TTC39B: variants seen among roughly 807,000 people sequenced by gnomAD.
TTC39B encodes tetratricopeptide repeat protein 39B.
A neutral mutation model predicts 96.6 loss-of-function variants in TTC39B; 92 were observed. The observed-to-expected ratio is 0.95, with a 90% confidence interval of 0.80 to 1.13. TTC39B has a LOEUF of 1.13. Among genes scored for constraint, TTC39B ranks in the 50% most tolerant of loss-of-function variants. The pLI, the probability that TTC39B is intolerant of heterozygous loss-of-function variation, is 0.00. For missense variants in TTC39B, 955 were observed against 809.3 expected (o/e 1.18, Z -2.18); for synonymous variants, 367 against 299.4 (o/e 1.23, Z -2.33).
intron 1 of TTC39B, among the ~76,000 whole-genome samples, chr9:15,277,320 T>C (rs1200955549): frequency 6.6e-6 from 1 of 152,102 alleles, no homozygotes; most frequent in Admixed American, 6.5e-5. Context: ...CCCAGCTACT[T>C]GGGAGGCTGA....
intron 3 of TTC39B, among the ~76,000 whole-genome samples, chr9:15,223,765 TG>T (rs1429429632): frequency 2.0e-5 from 3 of 151,978 alleles, no homozygotes; most frequent in African/African-American, 7.3e-5. Flanking sequence ...GAGTACAGGT[TG>T]AGCATCCCTA....
At chr9:15,265,503 A>C (rs754435771) in intron 2 of TTC39B, among the ~76,000 whole-genome samples, 3 of 152,206 alleles carry the variant, frequency 2.0e-5, no homozygotes, top group Non-Finnish European at 2.9e-5. Context: ...ACTATAGCCC[A>C]AGCTCAATTC....
At chr9:15,232,497 A>C (rs1476338554) in intron 2 of TTC39B, 1 of 152,266 alleles carries the variant, frequency 6.6e-6, no homozygotes, top group African/African-American at 2.4e-5. Context: ...CCAAAGGGTC[A>C]CACTAGCTGT....
chr9:15,264,904 T>G (rs1003415357), intron 2 of TTC39B, among the ~76,000 whole-genome samples: 5 of 152,106 alleles, frequency 3.3e-5, no homozygotes, highest in Non-Finnish European at 7.4e-5. Flanking sequence ...CAGACAATGC[T>G]AATATTAAAC....
chr9:15,248,938 G>A (rs1822406425), intron 2 of TTC39B: 1 of 152,094 alleles, frequency 6.6e-6, no homozygotes, highest in Non-Finnish European at 1.5e-5. Flanking sequence ...GTGTTTAAAA[G>A]TATTTTGACT....
chr9:15,227,099 G>C (rs1433959449), intron 2 of TTC39B, among the ~76,000 whole-genome samples: 2 of 152,120 alleles, frequency 1.3e-5, no homozygotes, highest in Non-Finnish European at 2.9e-5. Flanking sequence ...CCGAGGTCAG[G>C]AGTTCGAGAC....
chr9:15,247,016 C>G (rs560269777), intron 2 of TTC39B, among the ~76,000 whole-genome samples: 3 of 152,204 alleles, frequency 2.0e-5, no homozygotes, highest in Non-Finnish European at 4.4e-5. Context: ...AAACAAATGA[C>G]CCATTTGCAC....
At chr9:15,254,736 A>C (rs1822685371) in intron 2 of TTC39B, among the ~76,000 whole-genome samples, 1 of 152,110 alleles carries the variant, frequency 6.6e-6, no homozygotes, top group African/African-American at 2.4e-5. Flanking sequence ...CAAACTACAC[A>C]TTATGGGTAT....
rs138797791 is a variant in TTC39B at position 15,264,729 on chromosome 9, C to CTATATATATATA, written c.275+3173_275+3184dup. Reference sequence around the variant, plus strand: ...TTTGTTCTTCTATATAACAATTTTACTATATATATATATATATATCTTATA... The same window carrying CTATATATATATA: ...TTTGTTCTTCTATATAACAATTTTACTATATATATATATATATATATATATATATATCTTATA... On this transcript the variant is annotated intron_variant, in intron 2 of 19. Coordinates refer to ENST00000512701, the Ensembl canonical transcript of TTC39B. Among the ~76,000 whole-genome samples, 1,306 of 141,836 alleles carry CTATATATATATA rather than the reference C, an allele frequency of 9.2e-3. 23 individuals carry two copies. Among genetic ancestry groups the CTATATATATATA allele is most frequent in the African/African-American group, 0.032 (1,233 of 38,638 alleles). The allele number at this position is 141,836 out of a possible 152,430, so 93.0% of individuals were successfully genotyped here.
intron 2 of TTC39B, among the ~76,000 whole-genome samples, chr9:15,265,783 C>A (rs547874179): frequency 6.6e-6 from 1 of 152,270 alleles, no homozygotes; most frequent in African/African-American, 2.4e-5. Context: ...AAGAATGGCC[C>A]TTTCCATCTG....
At chr9:15,247,077 C>T (rs1359167876) in intron 2 of TTC39B, among the ~76,000 whole-genome samples, 1 of 152,170 alleles carries the variant, frequency 6.6e-6, no homozygotes, top group African/African-American at 2.4e-5. Flanking sequence ...TGGTTGTAAC[C>T]ATCTAGAAAC....
chr9:15,228,185 T>C lies in TTC39B; in HGVS notation c.276-2173A>G, dbSNP rs550390753. ...TTCAAAGTGCTAAAATAATTGGGAC[T>C]GGGCACGCTGGCTCATGCCTGTAAT... is the stretch of plus-strand genomic sequence containing the variant. On this transcript the variant is annotated intron_variant, in intron 2 of 19. Coordinates refer to ENST00000512701, the Ensembl canonical transcript of TTC39B. Among the ~76,000 whole-genome samples the C allele has an allele frequency of 5.3e-4, 81 of 152,080 alleles. 1 individual carries two copies. The highest frequency in any genetic ancestry group is 2.9e-4 in the Non-Finnish European group (20 of 68,004).
At chr9:15,198,594 C>CTTAAAAAG (rs1819328808) in intron 8 of TTC39B, among the ~76,000 whole-genome samples, 1 of 151,104 alleles carries the variant, frequency 6.6e-6, no homozygotes, top group Non-Finnish European at 1.5e-5. Flanking sequence ...AACTTAAAAA[C>CTTAAAAAG]AATATTATAA....
Position 15,240,136 on chromosome 9 carries a change from C to G in TTC39B, c.276-14124G>C, listed in dbSNP as rs1267107469. On this transcript the variant is annotated intron_variant, in intron 2 of 19. Coordinates refer to ENST00000512701, the Ensembl canonical transcript of TTC39B. Reference sequence around the variant, plus strand: ...GGTGCTGCTGCTGACAATGAGAAAGCAAGAAGAGCCCAAAAATAAAAAGAT... The same window carrying G: ...GGTGCTGCTGCTGACAATGAGAAAGGAAGAAGAGCCCAAAAATAAAAAGAT... Among the ~76,000 whole-genome samples the G allele has an allele frequency of 3.9e-5, 6 of 152,248 alleles. No individual in the cohort carries two copies. In the East Asian group the frequency reaches 1.2e-3, roughly 29 times the overall value.
At chr9:15,214,404 T>G (rs1820395965) in intron 3 of TTC39B, among the ~76,000 whole-genome samples, 155 bp from the exon 4 acceptor site, 1 of 151,464 alleles carries the variant, frequency 6.6e-6, no homozygotes, top group Admixed American at 6.6e-5. Context: ...CAGGACAGGC[T>G]GGTTATACAT....
chr9:15,271,090 A>G (rs1290209974), intron 1 of TTC39B, among the ~76,000 whole-genome samples: 1 of 151,280 alleles, frequency 6.6e-6, no homozygotes, highest in African/African-American at 2.4e-5. Flanking sequence ...CATTTTATTA[A>G]TGTCAATACA....
At chr9:15,183,883 T>A (rs1387899521) in intron 16 of TTC39B, among the ~76,000 whole-genome samples, 9 of 152,178 alleles carry the variant, frequency 5.9e-5, no homozygotes. Context: ...TCCGTCACAG[T>A]CACAGAATGG....
intron 1 of TTC39B, among the ~76,000 whole-genome samples, chr9:15,280,000 A>T (rs1213049603): frequency 7.0e-6 from 1 of 143,818 alleles, no homozygotes; most frequent in Non-Finnish European, 1.5e-5. Flanking sequence ...GGTTCAAGCG[A>T]TTCTCCTGCC....
At chr9:15,189,485 T>G in intron 13 of TTC39B, 89 bp downstream of exon 13, 1 of 1,414,066 alleles carries the variant, frequency 7.1e-7, no homozygotes, top group Admixed American at 2.0e-5. Flanking sequence ...TAGCCAAGTT[T>G]ACTTTTGTTG....
Sources: allele counts gnomAD v4.1 joint callset (sites outside exome capture counted in the v4.1 genomes callset), GRCh38; gene constraint gnomAD v4.1.1; transcripts MANE v1.5; gene names NCBI Gene and HGNC (gene_info 2026-07-23, HGNC 2026-07-21).